Variants in SAMD5 observed in about 807,000 individuals in gnomAD.
SAMD5 encodes sterile alpha motif domain containing 5.
Under a neutral mutation model 11.3 loss-of-function variants are expected in SAMD5, and 13 were observed. The ratio of observed to expected loss-of-function variants is 1.15; its 90% CI spans 0.75 to 1.83. The LOEUF is 1.83. Among genes scored for constraint, SAMD5 ranks in the 40% most tolerant of loss-of-function variants. The pLI is 0.00. For synonymous variants in SAMD5, 129 were observed against 111.3 expected (o/e 1.16, Z -1.00); for missense variants, 255 against 239.1 (o/e 1.07, Z -0.44).
intron 1 of SAMD5, among the ~76,000 whole-genome samples, chr6:147,637,813 C>T (rs1171921999): frequency 6.6e-6 from 1 of 151,322 alleles, no homozygotes; most frequent in East Asian, 1.9e-4. Flanking sequence ...CATCAGAGTG[C>T]TTTTCTGAGT....
At chr6:147,899,978 A>G in the SAMD5 span, among the ~76,000 whole-genome samples, 1 of 152,208 alleles carries the variant, frequency 6.6e-6, no homozygotes. Flanking sequence ...GAAAGAAGGA[A>G]GAAGGGAAGC....
chr6:147,753,743 A>G, the SAMD5 span, among the ~76,000 whole-genome samples: 3 of 149,726 alleles, frequency 2.0e-5, no homozygotes, highest in Non-Finnish European at 4.4e-5. Flanking sequence ...CCATCTTTCT[A>G]CTCTCTATGT....
intron 1 of SAMD5, among the ~76,000 whole-genome samples, chr6:147,533,324 C>T (rs1192713096): frequency 6.6e-6 from 1 of 151,708 alleles, no homozygotes; most frequent in Admixed American, 6.6e-5. Flanking sequence ...AGGCCGGGCG[C>T]AGTGGCTCCT....
chr6:147,795,007 T>A, the SAMD5 span, among the ~76,000 whole-genome samples: 1 of 152,086 alleles, frequency 6.6e-6, no homozygotes, highest in Non-Finnish European at 1.5e-5. Flanking sequence ...ACCAGAAATC[T>A]GTTAATGGGA....
At chr6:147,575,119 G>A (rs1789200429) in intron 1 of SAMD5, among the ~76,000 whole-genome samples, 2 of 152,192 alleles carry the variant, frequency 1.3e-5, no homozygotes, top group Non-Finnish European at 2.9e-5. Flanking sequence ...AACAATGAAA[G>A]CAAAGCTAAG....
At chr6:147,754,368 A>G in the SAMD5 span, among the ~76,000 whole-genome samples, 1 of 130,314 alleles carries the variant, frequency 7.7e-6, no homozygotes, top group South Asian at 2.4e-4. Context: ...TTTTTTGAGA[A>G]ATGTCTACTC....
At chr6:147,651,567 C>G (rs1190957205) in intron 1 of SAMD5, among the ~76,000 whole-genome samples, 2 of 152,162 alleles carry the variant, frequency 1.3e-5, no homozygotes, top group African/African-American at 2.4e-5. Flanking sequence ...GCTCCTGGCC[C>G]TTTCCACCGT....
chr6:147,816,218 T>G, the SAMD5 span, among the ~76,000 whole-genome samples: 2 of 143,404 alleles, frequency 1.4e-5, no homozygotes, highest in African/African-American at 5.2e-5. Flanking sequence ...AGAAAGAGGT[T>G]GCTGTGAGCC....
At chr6:147,851,844 A>G in the SAMD5 span, among the ~76,000 whole-genome samples, 102 of 152,352 alleles carry the variant, frequency 6.7e-4, no homozygotes, top group South Asian at 1.0e-3. Context: ...TATTCCAATA[A>G]ACTGCATAAT....
chr6:147,667,156 A>G (rs529672821), intron 1 of SAMD5, among the ~76,000 whole-genome samples: 27 of 152,178 alleles, frequency 1.8e-4, no homozygotes, highest in Middle Eastern at 3.4e-3. Flanking sequence ...TCACTATTAC[A>G]TTGTTAGAGT....
the SAMD5 span, among the ~76,000 whole-genome samples, chr6:147,806,382 A>G: frequency 1.3e-5 from 2 of 152,232 alleles, no homozygotes; most frequent in African/African-American, 2.4e-5. Context: ...CTCAAGCCTT[A>G]TCTTTGGTCC....
At position 147,508,821 on chromosome 6, in the gene SAMD5, G is replaced by C; in HGVS notation, c.-108G>C. 6.8e-7 allele frequency: 1 copy of C among 1,461,772 alleles called. No individual in the cohort carries two copies. Among genetic ancestry groups the C allele is most frequent in the Non-Finnish European group, 9.0e-7 (1 of 1,108,880 alleles). 90.6% of individuals were successfully genotyped at this position (1,461,772 alleles called of 1,614,324 possible). ...TCCTTTAAAAGGAAAACTTTACTGC[G>C]ATACCCTTTTCCCCTTGGAGGAGAG... On this transcript the variant is annotated 5_prime_UTR_variant, in exon 1 of 2. Transcript: ENST00000367474.
intron 1 of SAMD5, among the ~76,000 whole-genome samples, chr6:147,628,476 A>G (rs1160100254): frequency 1.3e-5 from 2 of 152,182 alleles, no homozygotes; most frequent in Admixed American, 1.3e-4. Context: ...AGCCACATGG[A>G]TCTCCTAAGA....
At chr6:147,562,420 T>C (rs939999444) in intron 1 of SAMD5, among the ~76,000 whole-genome samples, 2 of 152,206 alleles carry the variant, frequency 1.3e-5, no homozygotes, top group Non-Finnish European at 2.9e-5. Flanking sequence ...ACCTAAGGAT[T>C]TTCCTGGATT....
the SAMD5 span, among the ~76,000 whole-genome samples, chr6:147,903,909 GA>G: frequency 0.43 from 61,607 of 142,068 alleles, 12,707 homozygotes; most frequent in Admixed American, 0.49. Context: ...CTCCATCTTG[GA>G]AAAAAAAAAA....
At chr6:147,879,926 C>G in the SAMD5 span, among the ~76,000 whole-genome samples, 1 of 152,148 alleles carries the variant, frequency 6.6e-6, no homozygotes, top group Non-Finnish European at 1.5e-5. Flanking sequence ...ACAGAACTTA[C>G]CTTGTTCCTG....
chr6:147,524,532 A>G (rs1788306695), intron 1 of SAMD5, among the ~76,000 whole-genome samples: 1 of 151,906 alleles, frequency 6.6e-6, no homozygotes, highest in Admixed American at 6.6e-5. Context: ...ATTGATTGTA[A>G]TAATTTGACT....
At chr6:147,904,292 G>A in the SAMD5 span, among the ~76,000 whole-genome samples, 1 of 152,148 alleles carries the variant, frequency 6.6e-6, no homozygotes, top group Non-Finnish European at 1.5e-5. Flanking sequence ...TAACTTACAA[G>A]CCTGGCCCCA....
chr6:147,711,820 T>C lies in SAMD5; in HGVS notation c.163-25497T>C, dbSNP rs1333205532. On this transcript the variant is annotated intron_variant, in intron 1 of 1. Transcript: ENST00000566741. The surrounding 1 kb of genome is among the most constrained non-coding windows in gnomAD (Gnocchi z 4.1). ...AAGTACACTTAATTAGATACTCTGA[T>C]GACATTAGTAACAGTGTCAAATGTC... is the stretch of plus-strand genomic sequence containing the variant. Among the ~76,000 whole-genome samples the C allele has an allele frequency of 6.6e-6, 1 of 152,250 alleles. No individual in the cohort carries two copies. Among genetic ancestry groups the C allele is most frequent in the Non-Finnish European group, 1.5e-5 (1 of 68,050 alleles).
Sources: allele counts gnomAD v4.1 joint callset (sites outside exome capture counted in the v4.1 genomes callset), GRCh38; gene constraint gnomAD v4.1.1; non-coding constraint Gnocchi (gnomAD v3.1); transcripts MANE v1.5; gene names NCBI Gene and HGNC (gene_info 2026-07-23, HGNC 2026-07-21).